NCALD: variants seen among roughly 807,000 people sequenced by gnomAD.
NCALD encodes the protein neurocalcin delta.
A neutral mutation model predicts 18.6 loss-of-function variants in NCALD; 10 were observed. The ratio of observed to expected loss-of-function variants is 0.54; its 90% CI spans 0.33 to 0.91. The LOEUF (loss-of-function observed/expected upper bound fraction) is 0.91, where lower values mean the gene tolerates loss of function less well. Among genes scored for constraint, NCALD ranks in the 40% least tolerant of loss-of-function variants. NCALD has a pLI of 0.03. For synonymous variants in NCALD, 88 were observed against 87.4 expected (o/e 1.01, Z -0.04); for missense variants, 184 against 247.6 (o/e 0.74, Z 1.72).
chr8:101,716,343 T>C (rs556063354), intron 2 of NCALD, among the ~76,000 whole-genome samples: 8 of 152,052 alleles, frequency 5.3e-5, no homozygotes, highest in South Asian at 2.1e-4. Context: ...AGGGGAGGGA[T>C]AGCATTAGGA....
At chr8:101,732,075 G>T (rs1023751503) in intron 1 of NCALD, among the ~76,000 whole-genome samples, 4 of 152,234 alleles carry the variant, frequency 2.6e-5, no homozygotes, top group Admixed American at 6.5e-5. Flanking sequence ...ATCCAGGGAA[G>T]AGGAGGGTGC....
At chr8:101,705,116 A>C (rs1193002930) in intron 2 of NCALD, among the ~76,000 whole-genome samples, 1 of 151,538 alleles carries the variant, frequency 6.6e-6, no homozygotes, top group Non-Finnish European at 1.5e-5. Flanking sequence ...AATCCCAGCT[A>C]CTCAGGAGGC....
rs148668076 is a variant in NCALD at position 102,060,364 on chromosome 8, A to C, written c.-209-40075T>G. 3.3e-3 allele frequency among the ~76,000 whole-genome samples: 505 copies of C among 152,350 alleles called. 3 individuals are homozygous for C. The highest frequency in any genetic ancestry group is 0.011 in the African/African-American group (476 of 41,578). ...TTTGAGAATCAATGTTCTAGGGCAT[A>C]GATCACCCTGGATCTCTGGTTGTGA... On this transcript the variant is annotated intron_variant, in intron 1 of 6. Coordinates refer to the NCALD transcript ENST00000311028.
intron 1 of NCALD, among the ~76,000 whole-genome samples, chr8:102,082,807 C>G (rs1422497469): frequency 1.3e-5 from 2 of 152,188 alleles, no homozygotes; most frequent in Middle Eastern, 3.2e-3. Context: ...AGCTCTCCCC[C>G]ACCGCAGGGC....
chr8:101,820,616 GT>G (rs1423034668), intron 4 of NCALD, among the ~76,000 whole-genome samples: 3 of 152,092 alleles, frequency 2.0e-5, no homozygotes, highest in African/African-American at 7.2e-5. Context: ...AGTCTCTATA[GT>G]TTTTGCCAAA....
chr8:101,736,528 C>A (rs145192339), intron 1 of NCALD, among the ~76,000 whole-genome samples: 87 of 152,308 alleles, frequency 5.7e-4, no homozygotes, highest in African/African-American at 2.1e-3. Flanking sequence ...TCCACATCAT[C>A]CTGGAGGCTC....
chr8:101,755,690 C>T (rs1239838091), intron 1 of NCALD, among the ~76,000 whole-genome samples: 1 of 152,230 alleles, frequency 6.6e-6, no homozygotes, highest in African/African-American at 2.4e-5. Flanking sequence ...TGTAACATTG[C>T]TCCTACAGCC....
chr8:101,855,129 C>T (rs2131345883), intron 4 of NCALD, among the ~76,000 whole-genome samples: 2 of 152,280 alleles, frequency 1.3e-5, no homozygotes, highest in Middle Eastern at 3.4e-3. Flanking sequence ...GAGCAAGTGT[C>T]AGGCAGTCAG....
chr8:102,092,155 C>T (rs975715692), intron 1 of NCALD, among the ~76,000 whole-genome samples: 1 of 152,168 alleles, frequency 6.6e-6, no homozygotes, highest in Non-Finnish European at 1.5e-5. Flanking sequence ...ATGGTGATGA[C>T]AGTGACCTGG....
At chr8:101,888,710 C>T (rs1019965447) in intron 3 of NCALD, among the ~76,000 whole-genome samples, 3 of 152,238 alleles carry the variant, frequency 2.0e-5, no homozygotes, top group African/African-American at 4.8e-5. Flanking sequence ...AACCACCACA[C>T]CCAGCCTGAA....
At chr8:101,736,488 G>A (rs1023279795) in intron 1 of NCALD, among the ~76,000 whole-genome samples, 2 of 152,178 alleles carry the variant, frequency 1.3e-5, no homozygotes, top group Non-Finnish European at 2.9e-5. Flanking sequence ...CAGCAGGTGT[G>A]GAGATGCCCT....
At chr8:101,854,914 A>C (rs571301710) in intron 4 of NCALD, among the ~76,000 whole-genome samples, 1 of 152,300 alleles carries the variant, frequency 6.6e-6, no homozygotes, top group East Asian at 1.9e-4. Flanking sequence ...GGATACTGAG[A>C]TCAATAATGC....
chr8:102,048,148 G>A (rs982422678), intron 1 of NCALD, among the ~76,000 whole-genome samples: 1 of 152,314 alleles, frequency 6.6e-6, no homozygotes, highest in Non-Finnish European at 1.5e-5. Flanking sequence ...GGAGCTTTAA[G>A]TTATACACAG....
intron 4 of NCALD, among the ~76,000 whole-genome samples, chr8:101,804,603 T>C (rs1321663485): frequency 1.5e-5 from 2 of 130,938 alleles, no homozygotes; most frequent in Non-Finnish European, 3.1e-5. Flanking sequence ...ATAATTAATA[T>C]AATTAATTAT....
intron 1 of NCALD, among the ~76,000 whole-genome samples, chr8:102,099,536 C>T (rs531948535): frequency 6.6e-6 from 1 of 152,012 alleles, no homozygotes; most frequent in Admixed American, 6.5e-5. Context: ...ATCCTTAAAT[C>T]TTGACATCAA....
At chr8:101,844,423 C>T (rs1017397477) in intron 4 of NCALD, among the ~76,000 whole-genome samples, 1 of 151,364 alleles carries the variant, frequency 6.6e-6, no homozygotes, top group Non-Finnish European at 1.5e-5. Flanking sequence ...TGCAGTGGCA[C>T]AATCAGCTCA....
intron 3 of NCALD, among the ~76,000 whole-genome samples, chr8:101,914,903 G>T (rs188941096): frequency 4.6e-5 from 7 of 152,206 alleles, no homozygotes; most frequent in African/African-American, 1.7e-4. Flanking sequence ...ACCAAGATCT[G>T]GGAAACAGGT....
chr8:101,742,887 T>C (rs1282187425), intron 1 of NCALD, among the ~76,000 whole-genome samples: 1 of 152,154 alleles, frequency 6.6e-6, no homozygotes, highest in Non-Finnish European at 1.5e-5. Context: ...TGTGTTCTCA[T>C]TGTTCAGCTC....
chr8:101,705,492 C>T (rs1397429510), intron 2 of NCALD, among the ~76,000 whole-genome samples: 1 of 152,088 alleles, frequency 6.6e-6, no homozygotes, highest in African/African-American at 2.4e-5. Context: ...ACACAATCCT[C>T]CAGAACCTCG....
Sources: allele counts gnomAD v4.1 joint callset (sites outside exome capture counted in the v4.1 genomes callset), GRCh38; gene constraint gnomAD v4.1.1; transcripts MANE v1.5; gene names NCBI Gene and HGNC (gene_info 2026-07-23, HGNC 2026-07-21).